PANX2: variants seen among roughly 807,000 people sequenced by gnomAD.
PANX2 encodes the protein pannexin 2.
Under a neutral mutation model 38.7 loss-of-function variants are expected in PANX2, and 30 were observed. That is an observed-to-expected ratio of 0.78 (90% CI 0.58 to 1.05). The LOEUF (loss-of-function observed/expected upper bound fraction) is 1.05. PANX2 is among the 50% of genes least tolerant of loss of function. The pLI is 0.00. For synonymous variants in PANX2, 539 were observed against 472.1 expected, an observed-to-expected ratio of 1.14 and a Z score of -1.84; for missense variants, 880 against 979.3, an observed-to-expected ratio of 0.90 and a Z score of 1.35.
In PANX2 at chr22:50,179,279, G is replaced by T. The variant is rs1401445531; in HGVS notation, c.*2G>T. ...GTCGTGAGTACTGTGGAGTTTTGAG[G>T]GATGGCACCGTCCAGGCCGCCGAGA... On this transcript the variant is annotated 3_prime_UTR_variant, in exon 3 of 3. Coordinates refer to ENST00000395842, the MANE Select transcript of PANX2 (RefSeq NM_052839.4). 6.2e-7 allele frequency: 1 copy of T among 1,610,588 alleles called. No homozygotes were observed. Among genetic ancestry groups the T allele is most frequent in the African/African-American group, 1.3e-5 (1 of 74,902 alleles).
intron 1 of PANX2, among the ~76,000 whole-genome samples, chr22:50,175,265 G>A (rs539704136): frequency 1.0e-3 from 156 of 152,240 alleles, no homozygotes; most frequent in African/African-American, 3.7e-3. Flanking sequence ...CTGCCCCAGA[G>A]CCAAGGAGCC....
chr22:50,171,007 G>A (rs1320842886), intron 1 of PANX2, 51 bp downstream of exon 1: 1 of 1,021,322 alleles, frequency 9.8e-7, no homozygotes, highest in Admixed American at 3.7e-5. Context: ...GCGTCCGCAG[G>A]TGTCCGGGAG....
At position 50,179,192 on chromosome 22, in the gene PANX2, A is replaced by G. The variant is rs767325136; in HGVS notation, c.1949A>G (p.Asp650Gly). Residue 650 changes from aspartate (D) to glycine (G), a missense_variant, in exon 3 of 3, where the codon GAC becomes GGC. Around this residue, in one of 4 missense-constraint regions of PANX2, gnomAD observed 445 missense variants for 404.3 expected, o/e 1.10. Transcript: ENST00000395842. ...GGPRLPQDVG[D>G]LIAIPAPQQI... ...CCCCGCCTGCCGCAGGACGTGGGGG[A>G]CCTCATCGCCATCCCTGCCCCACAG... 2 of 1,612,270 alleles carry G rather than the reference A, an allele frequency of 1.2e-6. No individual in the cohort carries two copies. Among genetic ancestry groups the G allele is most frequent in the South Asian group, 2.2e-5 (2 of 91,038 alleles).
At chr22:50,171,079 C>A in intron 1 of PANX2, 123 bp downstream of exon 1, 1 of 406,674 alleles carries the variant, frequency 2.5e-6, no homozygotes, top group Non-Finnish European at 4.3e-6. Context: ...CTGGCTGCGT[C>A]CGCGGCGTCC....
Position 50,179,343 on chromosome 22 carries a change from G to A in PANX2, c.*66G>A, listed in dbSNP as rs1208660384. 8 of 1,407,338 alleles carry A rather than the reference G, an allele frequency of 5.7e-6. No individual in the cohort carries two copies. In the South Asian group the frequency reaches 6.2e-5, roughly 11 times the overall value. The allele number at this position is 1,407,338 out of a possible 1,614,324, so 87.2% of individuals were successfully genotyped here. A position where few individuals can be genotyped will look rare whatever the true frequency, so the allele number is the denominator to read the frequency against. ...TGTCGTGTGGCCTGGCCAGCCTCCC[G>A]GTGGACACCAGCCCTGCGTGGACGT... On this transcript the variant is annotated 3_prime_UTR_variant, in exon 3 of 3. Transcript: ENST00000395842.
rs1229945521 is a variant in PANX2, at chr22:50,178,197, C to CGCCCCT, written c.1491_1496dup (p.Ala500_Pro501dup). On this transcript the variant is annotated inframe_insertion, in exon 2 of 3. Coordinates refer to ENST00000395842, the MANE Select transcript of PANX2 (RefSeq NM_052839.4). ...GAGGGGGCGACCCGGGCCCCGGCCC[C>CGCCCCT]GCCCCTGCCCCCGCCCCGCCGCCCG... The CGCCCCT allele has an allele frequency of 3.4e-5, 50 of 1,456,992 alleles. No individual in the cohort carries two copies. The African/African-American group carries it at 4.6e-4, about 13-fold the overall frequency. The allele number at this position is 1,456,992 out of a possible 1,614,324, so 90.3% of individuals were successfully genotyped here.
At chr22:50,175,884 G>A (rs376937045) in intron 1 of PANX2, among the ~76,000 whole-genome samples, 1 of 152,254 alleles carries the variant, frequency 6.6e-6, no homozygotes, top group African/African-American at 2.4e-5. Context: ...TCTCTAATCC[G>A]CCTCGCTTTC....
chr22:50,176,159 G>A (rs2063660114), intron 1 of PANX2, among the ~76,000 whole-genome samples: 1 of 152,266 alleles, frequency 6.6e-6, no homozygotes, highest in Non-Finnish European at 1.5e-5. Context: ...CCCACACTGG[G>A]CCAAGGCGCG....
chr22:50,178,339 GA>G lies in PANX2; in HGVS notation c.1628del (p.Glu543GlyfsTer13). 6.7e-7 allele frequency: 1 copy of G among 1,499,384 alleles called. No homozygotes were observed. The highest frequency in any genetic ancestry group is 8.8e-7 in the Non-Finnish European group (1 of 1,132,310). 92.9% of individuals were successfully genotyped at this position (1,499,384 alleles called of 1,614,324 possible). On this transcript the variant is annotated frameshift_variant, in exon 2 of 3. Coordinates refer to ENST00000395842, the MANE Select transcript of PANX2 (RefSeq NM_052839.4). LOFTEE classifies it high-confidence loss of function. ...PAALPASRSQ[E>X]GGFLSQAEDC... ...CGCCCTGCCCGCCTCCCGGAGCCAGGAGGGGGGCTTCCTGTCCCAGGCGGAG... is the reference window on the plus strand; with the variant it reads ...CGCCCTGCCCGCCTCCCGGAGCCAGGGGGGGGCTTCCTGTCCCAGGCGGAG...
intron 1 of PANX2, among the ~76,000 whole-genome samples, chr22:50,173,713 A>G (rs2063647483): frequency 6.6e-6 from 1 of 152,244 alleles, no homozygotes; most frequent in Non-Finnish European, 1.5e-5. Context: ...CGAAGGTGTC[A>G]GCAGGGCTGG....
Position 50,177,124 on chromosome 22 carries a change from C to T in PANX2, c.412C>T (p.Pro138Ser), listed in dbSNP as rs2063665593. 6.2e-7 allele frequency: 1 copy of T among 1,608,832 alleles called. No individual in the cohort carries two copies. The highest frequency in any genetic ancestry group is 8.5e-7 in the Non-Finnish European group (1 of 1,177,990). ...GGCCTTCGCCGCCATCATGTACGTG[C>T]CCGCGCTGGGCTGGGAGTTCCTGGC... ...LLAFAAIMYV[P>S]ALGWEFLAST... The change falls in exon 2 of 3, where the codon CCC becomes TCC. Residue 138 changes from proline (P) to serine (S), a missense_variant. Physicochemically the swap from Pro to Ser is moderately conservative, Grantham distance 74 (BLOSUM62 -1). Around this residue, in one of 4 missense-constraint regions of PANX2, gnomAD observed 243 missense variants for 333.1 expected, o/e 0.73. Transcript: ENST00000395842.
rs2147060997 is a variant in PANX2, at chr22:50,175,433, G to A, written c.227-1506G>A. On this transcript the variant is annotated intron_variant, in intron 1 of 2. Coordinates refer to ENST00000395842, the MANE Select transcript of PANX2 (RefSeq NM_052839.4). ...ACCTGTCCCTGTTCTCTTCCCCAGG[G>A]TGGACGCTCTTCTCTGGCTCCTGGG... 3 of 1,298,732 alleles carry A rather than the reference G, an allele frequency of 2.3e-6. No homozygotes were observed. In the African/African-American group the frequency reaches 4.6e-5, roughly 20 times the overall value. The allele number at this position is 1,298,732 out of a possible 1,614,324, so 80.5% of individuals were successfully genotyped here.
intron 2 of PANX2, 27 bp downstream of exon 2, chr22:50,178,429 C>A (rs1038885953): frequency 9.2e-7 from 1 of 1,087,176 alleles, no homozygotes; most frequent in Non-Finnish European, 1.2e-6. Flanking sequence ...AGAGAGGGGA[C>A]GGGGGACTGG....
At position 50,177,076 on chromosome 22, in the gene PANX2, A is replaced by G. The variant is rs137878715; in HGVS notation, c.364A>G (p.Lys122Glu). 6.2e-7 allele frequency: 1 copy of G among 1,610,902 alleles called. No homozygotes were observed. Among genetic ancestry groups the G allele is most frequent in the African/African-American group, 1.3e-5 (1 of 74,894 alleles). The part of the protein sequence containing the change: ...ASLWPSLFEH[K>E]FLPYALLAFA... Reference sequence around the variant, plus strand: ...CCTGTGGCCGTCGCTGTTTGAGCACAAGTTCCTGCCCTACGCGCTGCTGGC... The same window carrying G: ...CCTGTGGCCGTCGCTGTTTGAGCACGAGTTCCTGCCCTACGCGCTGCTGGC... Residue 122 changes from lysine (K) to glutamate (E), a missense_variant, in exon 2 of 3, where the codon AAG (lysine) becomes GAG (glutamate). Lys to Glu is a moderately conservative substitution (Grantham distance 56). This residue lies in a region of PANX2 where 243 missense variants were observed against 333.1 expected (regional missense o/e 0.73). Transcript: ENST00000395842.
At position 50,177,023 on chromosome 22, in the gene PANX2, G is replaced by A; in HGVS notation, c.311G>A (p.Arg104Gln). ...CGCGGCTACTGCTGGACGGAGCTGC[G>A]GGACGCGCTGCCCGGCGTGGACGCC... ...YARGYCWTEL[R>Q]DALPGVDASL... The change falls in exon 2 of 3, where the codon CGG (arginine) becomes CAG (glutamine). Residue 104 changes from arginine to glutamine, a missense_variant. Coordinates refer to ENST00000395842, the MANE Select transcript of PANX2 (RefSeq NM_052839.4). 3 of 1,605,110 alleles carry A rather than the reference G, an allele frequency of 1.9e-6. No individual in the cohort carries two copies. Among genetic ancestry groups the A allele is most frequent in the Non-Finnish European group, 2.5e-6 (3 of 1,177,748 alleles).
chr22:50,179,411 C>G lies in PANX2; in HGVS notation c.*134C>G. ...CACTGCGCGCATCCCCAACCTCTGT[C>G]CGCATGCCTGGGGCCTTCGCCCCCA... On this transcript the variant is annotated 3_prime_UTR_variant, in exon 3 of 3. Transcript: ENST00000395842. The G allele has an allele frequency of 2.5e-6, 2 of 795,826 alleles. No homozygotes were observed. Among genetic ancestry groups the G allele is most frequent in the Non-Finnish European group, 4.0e-6 (2 of 504,560 alleles). The allele number at this position is 795,826 out of a possible 1,614,324, so 49.3% of individuals were successfully genotyped here. A position where few individuals can be genotyped will look rare whatever the true frequency, so the allele number is the denominator to read the frequency against.
In PANX2 at chr22:50,177,398, C is replaced by A. The variant is rs1602401296; in HGVS notation, c.686C>A (p.Ala229Glu). 1 of 1,609,118 alleles carries A rather than the reference C, an allele frequency of 6.2e-7. No individual in the cohort carries two copies. Among genetic ancestry groups the A allele is most frequent in the Non-Finnish European group, 8.5e-7 (1 of 1,178,318 alleles). The change falls in exon 2 of 3, where the codon GCG becomes GAG. Residue 229 changes from alanine to glutamate, a missense_variant. By Grantham distance (107) the Ala-to-Glu change is moderately radical. Coordinates refer to ENST00000395842, the MANE Select transcript of PANX2 (RefSeq NM_052839.4). ...RSNFLAKLYLARHVLILLLSA... is the reference protein window; with the variant it reads ...RSNFLAKLYLERHVLILLLSA... ...AACTTCCTGGCCAAGCTGTACCTGG[C>A]GCGGCACGTGCTGATCCTGCTGCTG...
In PANX2 at chr22:50,177,171, G is replaced by T. The variant is rs143921868; in HGVS notation, c.459G>T (p.Glu153Asp). Residue 153 changes from glutamate to aspartate, a missense_variant, in exon 2 of 3, where the codon GAG (glutamate) becomes GAT (aspartate). Glu to Asp is a conservative substitution (Grantham distance 45). Coordinates refer to ENST00000395842, the MANE Select transcript of PANX2 (RefSeq NM_052839.4). ...EFLASTRLTS[E>D]LNFLLQEIDN... is the part of the protein sequence containing the mutation. Reference sequence around the variant, plus strand: ...TGGCCTCCACGCGCCTCACCTCCGAGCTCAACTTCCTGCTGCAGGAGATCG... The same window carrying T: ...TGGCCTCCACGCGCCTCACCTCCGATCTCAACTTCCTGCTGCAGGAGATCG... 25 of 1,609,134 alleles carry T rather than the reference G, an allele frequency of 1.6e-5. No homozygotes were observed. The African/African-American group carries it at 3.2e-4, about 21-fold the overall frequency.
At position 50,177,540 on chromosome 22, in the gene PANX2, C is replaced by G. The variant is rs1381516916; in HGVS notation, c.828C>G (p.Arg276=). The G allele has an allele frequency of 1.9e-6, 3 of 1,611,324 alleles. No homozygotes were observed. The South Asian group carries it at 3.3e-5, about 18-fold the overall frequency. Residue 276 remains arginine (R), a synonymous_variant, in exon 2 of 3, where the codon CGC becomes CGG. Transcript: ENST00000395842. The part of the protein sequence containing the change: ...DGAAGAGPAV[R]VSCKLPSVQL... Reference sequence around the variant, plus strand: ...CGGCAGGTGCGGGGCCCGCGGTGCGCGTGAGCTGCAAGCTCCCGTCCGTGC... The same window carrying G: ...CGGCAGGTGCGGGGCCCGCGGTGCGGGTGAGCTGCAAGCTCCCGTCCGTGC...
Sources: gnomAD v4.1 joint callset for allele counts (sites outside exome capture counted in the v4.1 genomes callset) on GRCh38, gnomAD v4.1.1 for gene constraint, gnomAD v4.1.1 regional missense constraint, MANE v1.5 for transcripts, NCBI Gene and HGNC (gene_info 2026-07-23, HGNC 2026-07-21) for gene names.